The following RNF40 variants were observed in gnomAD, a reference collection of about 807,000 sequenced individuals.
RNF40 encodes E3 ubiquitin-protein ligase BRE1B.
RNF40 carries 39 observed loss-of-function variants against 123.3 expected under a neutral mutation model. The ratio of observed to expected loss-of-function variants is 0.32; its 90% confidence interval spans 0.24 to 0.41. The LOEUF (loss-of-function observed/expected upper bound fraction) is 0.41. Ranked by LOEUF, RNF40 falls within the 10% of genes least tolerant of loss-of-function variation. RNF40 has a pLI of 1.00. For missense variants in RNF40, 1,003 were observed against 1,319.9 expected (o/e 0.76, Z 3.72); for synonymous variants, 538 against 526.0 (o/e 1.02, Z -0.31).
chr16:30,762,385 A>G, intron 1 of RNF40, 25 bp downstream of exon 1: 4 of 694,204 alleles, frequency 5.8e-6, no homozygotes, highest in South Asian at 2.6e-5. Flanking sequence ...GCCGGGGGGG[A>G]CGGGATCCAG....
Position 30,768,244 on chromosome 16 carries a change from G to T in RNF40, c.1693G>T (p.Ala565Ser). Reference protein sequence around the residue: ...VSTPDNRKEMAPVPGTTTTTT... With the variant: ...VSTPDNRKEMSPVPGTTTTTT... ...TACCCCCGACAACAGAAAGGAGATG[G>T]CTCCAGTGCCTGGCACCACCACTAC... Residue 565 changes from alanine (A) to serine (S), a missense_variant, in exon 13 of 20, where the codon GCT (alanine) becomes TCT (serine). Physicochemically the swap from Ala to Ser is moderately conservative, Grantham distance 99. This residue lies in a region of RNF40 where 295 missense variants were observed against 331.7 expected (regional missense o/e 0.89). Transcript: ENST00000324685. This position sits in a 1 kb window ranked among gnomAD's most constrained non-coding sequence, Gnocchi z 4.1. 2 of 1,613,892 alleles carry T rather than the reference G, an allele frequency of 1.2e-6. No homozygotes were observed. Among genetic ancestry groups the T allele is most frequent in the Non-Finnish European group, 1.7e-6 (2 of 1,180,028 alleles).
chr16:30,762,256 C>T, upstream of RNF40: 2 of 428,012 alleles, frequency 4.7e-6, no homozygotes, highest in South Asian at 4.3e-5. Flanking sequence ...CTGCCTTTGG[C>T]GCCTGCGCCC....
chr16:30,762,411 T>C, intron 1 of RNF40, 51 bp downstream of exon 1: 1 of 935,226 alleles, frequency 1.1e-6, no homozygotes. Flanking sequence ...GTGTGCAGGG[T>C]GGAGGGTGTT....
rs2053865310 is a variant in RNF40 at position 30,762,362 on chromosome 16, T to G, written c.-72+2T>G. On this transcript the variant is annotated splice_donor_variant, in intron 1 of 19. Transcript: ENST00000324685. LOFTEE classifies it low-confidence loss of function (5UTR_SPLICE). ...GGCGCTAGGCTGACCCTCCTGCTGG[T>G]GAGGGCTCTGGCGCCGGGGGGGACG... 3 of 593,998 alleles carry G rather than the reference T, an allele frequency of 5.1e-6. No homozygotes were observed. In the South Asian group the frequency reaches 7.7e-5, roughly 15 times the overall value. 36.8% of individuals were successfully genotyped at this position (593,998 alleles called of 1,614,324 possible).
At position 30,775,329 on chromosome 16, in the gene RNF40, G is replaced by C. The variant is rs1391573252; in HGVS notation, c.*1215G>C. On this transcript the variant is annotated 3_prime_UTR_variant, in exon 20 of 20. Coordinates refer to ENST00000324685, the MANE Select transcript of RNF40 (RefSeq NM_014771.4). ...GCAGGGATCCCGGACTGGGCCTGAA[G>C]GGGAGAGCGTGGTGGTCGTCGCGGA... 3.4e-6 allele frequency: 1 copy of C among 295,962 alleles called. No homozygotes were observed. Among genetic ancestry groups the C allele is most frequent in the African/African-American group, 2.2e-5 (1 of 45,200 alleles). 18.3% of individuals were successfully genotyped at this position (295,962 alleles called of 1,614,324 possible).
At chr16:30,773,654 C>T (rs1033495912) in intron 19 of RNF40, 3 of 326,686 alleles carry the variant, frequency 9.2e-6, no homozygotes, top group African/African-American at 2.1e-5. Flanking sequence ...AGCCCCAAGG[C>T]AGAGTCCAGG....
intron 2 of RNF40, 47 bp from the exon 3 acceptor site, chr16:30,763,071 T>TGGGCC: frequency 6.2e-7 from 1 of 1,606,772 alleles, no homozygotes; most frequent in East Asian, 2.2e-5. Context: ...GATTGGTTTG[T>TGGGCC]GGGCCCTGCT....
intron 15 of RNF40, 97 bp downstream of exon 15, chr16:30,769,084 T>C: frequency 1.3e-6 from 2 of 1,594,896 alleles, no homozygotes; most frequent in Non-Finnish European, 1.7e-6. Flanking sequence ...ATGATCTGGG[T>C]CCCCTCTGTA....
chr16:30,769,719 C>A, intron 17 of RNF40, 119 bp downstream of exon 17: 1 of 1,141,936 alleles, frequency 8.8e-7, no homozygotes, highest in Non-Finnish European at 1.2e-6. Context: ...CACAGAACAG[C>A]TCACACATAT....
rs768839201 is a variant in RNF40 at position 30,769,492 on chromosome 16, G to C, written c.2478G>C (p.Leu826=). Residue 826 remains leucine (L), a synonymous_variant, in exon 17 of 20, where the codon CTG becomes CTC. Transcript: ENST00000324685. The part of the protein sequence containing the change: ...GLKSQVDAQL[L]TVQKLEEKER... The stretch of plus-strand genomic sequence containing the variant: ...GTCCTTAGGTGGATGCCCAGCTGCT[G>C]ACTGTGCAGAAGCTAGAGGAGAAGG... 6.2e-7 allele frequency: 1 copy of C among 1,613,866 alleles called. No individual in the cohort carries two copies. The highest frequency in any genetic ancestry group is 8.5e-7 in the Non-Finnish European group (1 of 1,179,838).
At position 30,763,201 on chromosome 16, in the gene RNF40, A is replaced by G; in HGVS notation, c.216A>G (p.Glu72=). The part of the protein sequence containing the change: ...RLEQRQACED[E]LRERIEKLEK... ...AACAACGGCAGGCTTGTGAAGATGA[A>G]CTCCGAGAACGAATTGAGAAGTTGG... Residue 72 remains glutamate (E), a synonymous_variant, in exon 3 of 20, where the codon GAA becomes GAG. Transcript: ENST00000324685. 6.2e-7 allele frequency: 1 copy of G among 1,613,896 alleles called. No individual in the cohort carries two copies. Among genetic ancestry groups the G allele is most frequent in the Non-Finnish European group, 8.5e-7 (1 of 1,180,016 alleles).
Position 30,764,389 on chromosome 16 carries a change from G to A in RNF40, c.649+4G>A, listed in dbSNP as rs2053989381. 1 of 1,610,404 alleles carries A rather than the reference G, an allele frequency of 6.2e-7. No homozygotes were observed. Reference sequence around the variant, plus strand: ...TGTCAGCGAGTGTACAGCCGAGGTGGGTTCTTTGTGCCCATACTGAAGGGG... The same window carrying A: ...TGTCAGCGAGTGTACAGCCGAGGTGAGTTCTTTGTGCCCATACTGAAGGGG... On this transcript the variant is annotated splice_donor_region_variant and intron_variant, in intron 5 of 19. Transcript: ENST00000324685.
chr16:30,764,085 A>G, intron 4 of RNF40, 94 bp from the exon 5 acceptor site: 1 of 950,624 alleles, frequency 1.1e-6, no homozygotes, highest in Non-Finnish European at 1.6e-6. Context: ...TGATTAAGTG[A>G]ACCATGAGTA....
At chr16:30,761,764 TGCCGCGAGGC>T, upstream of RNF40, 1 of 1,510,728 alleles carries the variant, frequency 6.6e-7, no homozygotes, top group Non-Finnish European at 8.9e-7. Context: ...CGCTCTTCCG[TGCCGCGAGGC>T]GCCCCGGGCT....
chr16:30,763,290 A>G lies in RNF40; in HGVS notation c.300+5A>G, dbSNP rs763032557. ...GTCAATCGCTACTGGGCCCAGGTGG[A>G]TACCTTCTGCTTTCAAAGACCAGGC... On this transcript the variant is annotated splice_donor_5th_base_variant and intron_variant, in intron 3 of 19. Coordinates refer to ENST00000324685, the MANE Select transcript of RNF40 (RefSeq NM_014771.4). The G allele has an allele frequency of 1.2e-6, 2 of 1,613,872 alleles. No homozygotes were observed. Among genetic ancestry groups the G allele is most frequent in the Admixed American group, 1.7e-5 (1 of 60,022 alleles).
intron 11 of RNF40, chr16:30,767,651 A>T (rs1343686759): frequency 2.3e-6 from 1 of 438,464 alleles, no homozygotes. Flanking sequence ...TTTAAAAAAA[A>T]AACAAAAAAC....
In RNF40 at chr16:30,765,415, C is replaced by T; in HGVS notation, c.919-10C>T. The T allele has an allele frequency of 6.2e-7, 1 of 1,614,224 alleles. No homozygotes were observed. Reference sequence around the variant, plus strand: ...TCTACATCCATTGCCTGTCTGTTTTCTCTCCACAGCTTAACTCTGGCTACT... The same window carrying T: ...TCTACATCCATTGCCTGTCTGTTTTTTCTCCACAGCTTAACTCTGGCTACT... On this transcript the variant is annotated splice_polypyrimidine_tract_variant and intron_variant, in intron 7 of 19. Coordinates refer to ENST00000324685, the MANE Select transcript of RNF40 (RefSeq NM_014771.4).
In RNF40 at chr16:30,775,675, TCAGCGCGCTGCA is replaced by T. The variant is rs1324266148; in HGVS notation, c.*1562_*1573del. 2.6e-5 allele frequency: 4 copies of T among 152,382 alleles called. No individual in the cohort carries two copies. Among genetic ancestry groups the T allele is most frequent in the African/African-American group, 7.2e-5 (3 of 41,384 alleles). The allele number at this position is 152,382 out of a possible 1,614,324, so 9.4% of individuals were successfully genotyped here. On this transcript the variant is annotated 3_prime_UTR_variant, in exon 20 of 20. Transcript: ENST00000324685. Reference sequence around the variant, plus strand: ...CGTGTACCGAGCGGCGCCCCTGGGCTCAGCGCGCTGCAGGCGCCCCGGGCGGATCCTTCACCG... The same window carrying T: ...CGTGTACCGAGCGGCGCCCCTGGGCTGGCGCCCCGGGCGGATCCTTCACCG...
At position 30,762,348 on chromosome 16, in the gene RNF40, GAC is replaced by G; in HGVS notation, c.-83_-82del. The G allele has an allele frequency of 1.8e-6, 1 of 553,612 alleles. No homozygotes were observed. Among genetic ancestry groups the G allele is most frequent in the African/African-American group, 2.0e-5 (1 of 50,316 alleles). 34.3% of individuals were successfully genotyped at this position (553,612 alleles called of 1,614,324 possible). On this transcript the variant is annotated 5_prime_UTR_variant, in exon 1 of 20. An upstream open reading frame in the 5' UTR loses its in-frame stop. Coordinates refer to ENST00000324685, the MANE Select transcript of RNF40 (RefSeq NM_014771.4). ...AAATCCAAGATGGCGGCGCTAGGCTGACCCTCCTGCTGGTGAGGGCTCTGGCG... is the reference window on the plus strand; with the variant it reads ...AAATCCAAGATGGCGGCGCTAGGCTGCCTCCTGCTGGTGAGGGCTCTGGCG...
Sources: allele counts gnomAD v4.1 joint callset, GRCh38; gene constraint gnomAD v4.1.1; regional missense constraint gnomAD v4.1.1; non-coding constraint Gnocchi (gnomAD v3.1); transcripts MANE v1.5; gene names NCBI Gene and HGNC (gene_info 2026-07-23, HGNC 2026-07-21).